NKAIN2: variants seen among roughly 807,000 people sequenced by gnomAD.
The protein encoded by NKAIN2 is sodium/potassium transporting ATPase interacting 2, also known as sodium/potassium-transporting ATPase subunit beta-1-interacting protein 2.
In NKAIN2, 14 loss-of-function variants were observed where a neutral mutation model predicts 32.6. The observed-to-expected ratio is 0.43, with a 90% CI of 0.28 to 0.67. The LOEUF (loss-of-function observed/expected upper bound fraction) is 0.67, where lower values mean the gene tolerates loss of function less well. Among genes scored for constraint, NKAIN2 ranks in the 30% least tolerant of loss-of-function variants. The pLI is 0.17. For missense variants in NKAIN2, 198 were observed against 258.3 expected (o/e 0.77, Z 1.60); for synonymous variants, 80 against 87.2 (o/e 0.92, Z 0.46).
chr6:124,557,137 A>G (rs1780505049), intron 3 of NKAIN2, among the ~76,000 whole-genome samples: 1 of 152,186 alleles, frequency 6.6e-6, no homozygotes, highest in South Asian at 2.1e-4. Flanking sequence ...TGCATATAAC[A>G]TTAACATAGG....
intron 1 of NKAIN2, among the ~76,000 whole-genome samples, chr6:123,869,268 TG>T (rs1772743525): frequency 6.6e-6 from 1 of 152,206 alleles, no homozygotes; most frequent in Admixed American, 6.5e-5. Flanking sequence ...GTGTTCAGTA[TG>T]TTTGAGATGA....
At chr6:124,621,707 T>C (rs184555379) in intron 3 of NKAIN2, among the ~76,000 whole-genome samples, 134 of 152,296 alleles carry the variant, frequency 8.8e-4, no homozygotes, top group African/African-American at 2.7e-3. Context: ...GATTACCAGT[T>C]TGATTGGAAG....
intron 1 of NKAIN2, among the ~76,000 whole-genome samples, chr6:124,267,929 A>G (rs1215687508): frequency 9.9e-5 from 15 of 152,214 alleles, no homozygotes; most frequent in African/African-American, 3.1e-4. Context: ...ATTTGGGAAG[A>G]GAATCCTTTT....
chr6:123,878,128 A>G (rs918116677), intron 1 of NKAIN2, among the ~76,000 whole-genome samples: 1 of 152,038 alleles, frequency 6.6e-6, no homozygotes, highest in African/African-American at 2.4e-5. Flanking sequence ...CAGTAGGCTG[A>G]TGCAGGAGAA....
rs527760991 is a variant in NKAIN2, at chr6:124,073,742, C to T, written c.55-209263C>T. ...AACCTCATGGCCATAGGAGCCCTGA[C>T]ACTCTGTGAAGCATATAACATACGA... On this transcript the variant is annotated intron_variant, in intron 1 of 6. Coordinates refer to ENST00000368417, the MANE Select transcript of NKAIN2 (RefSeq NM_001040214.3). Among the ~76,000 whole-genome samples, 84 of 152,228 alleles carry T rather than the reference C, an allele frequency of 5.5e-4. 1 individual carries two copies. Among genetic ancestry groups the T allele is most frequent in the Non-Finnish European group, 8.5e-4 (58 of 68,018 alleles).
rs114483130 is a variant in NKAIN2, at chr6:123,984,498, C to T, written c.54+180244C>T. Among the ~76,000 whole-genome samples, 810 of 152,100 alleles carry T rather than the reference C, an allele frequency of 5.3e-3. 8 individuals carry two copies. The highest frequency in any genetic ancestry group is 0.019 in the African/African-American group (777 of 41,488). ...ACAGTATATTACTGTTTTACCAATA[C>T]AGTAATATACTGTAATATCAAAAAG... On this transcript the variant is annotated intron_variant, in intron 1 of 6. Transcript: ENST00000368417.
At chr6:124,551,993 G>A (rs1005249105) in intron 3 of NKAIN2, among the ~76,000 whole-genome samples, 9 of 152,172 alleles carry the variant, frequency 5.9e-5, no homozygotes, top group African/African-American at 2.4e-5. Context: ...ATAATCGTTA[G>A]AAACTGAGCA....
intron 3 of NKAIN2, among the ~76,000 whole-genome samples, chr6:124,425,256 C>T (rs531130978): frequency 1.3e-4 from 19 of 151,778 alleles, no homozygotes; most frequent in Admixed American, 2.0e-4. Flanking sequence ...TTGGGAAAAC[C>T]GGATATCCAC....
intron 3 of NKAIN2, among the ~76,000 whole-genome samples, chr6:124,373,774 AAG>A (rs1799870103): frequency 1.3e-5 from 2 of 152,176 alleles, no homozygotes; most frequent in African/African-American, 4.8e-5. Context: ...AAGTATGGCA[AAG>A]AGAAAGTTAT....
At chr6:124,514,739 T>G (rs554354271) in intron 3 of NKAIN2, among the ~76,000 whole-genome samples, 5 of 150,024 alleles carry the variant, frequency 3.3e-5, no homozygotes, top group Admixed American at 6.7e-5. Flanking sequence ...CCAACTTGGC[T>G]GCATGTTGGA....
In NKAIN2 at chr6:124,823,723, G is replaced by C. The variant is rs1781484044; in HGVS notation, c.*494G>C. 6.3e-6 allele frequency: 1 copy of C among 158,628 alleles called. No individual in the cohort carries two copies. The highest frequency in any genetic ancestry group is 2.4e-5 in the African/African-American group (1 of 41,552). The allele number at this position is 158,628 out of a possible 1,614,324, so 9.8% of individuals were successfully genotyped here. A position where few individuals can be genotyped will look rare whatever the true frequency, so the allele number is the denominator to read the frequency against. ...AAAAACAAACGAAACATGCCATGATGACCTTGTACCCGAAGTCCGAAATGG... is the reference window on the plus strand; with the variant it reads ...AAAAACAAACGAAACATGCCATGATCACCTTGTACCCGAAGTCCGAAATGG... On this transcript the variant is annotated 3_prime_UTR_variant, in exon 7 of 7. Transcript: ENST00000368417.
At chr6:123,830,850 G>C (rs1203111455) in intron 1 of NKAIN2, among the ~76,000 whole-genome samples, 7 of 152,186 alleles carry the variant, frequency 4.6e-5, no homozygotes, top group African/African-American at 1.7e-4. Context: ...TTGAATGAAT[G>C]AATCAATCAG....
At chr6:124,317,757 T>C (rs1797022764) in intron 2 of NKAIN2, among the ~76,000 whole-genome samples, 1 of 152,108 alleles carries the variant, frequency 6.6e-6, no homozygotes, top group South Asian at 2.1e-4. Flanking sequence ...TTCATTTATT[T>C]TGATCATCAG....
At chr6:123,966,323 A>T (rs569526109) in intron 1 of NKAIN2, among the ~76,000 whole-genome samples, 7 of 152,276 alleles carry the variant, frequency 4.6e-5, no homozygotes, top group Non-Finnish European at 7.4e-5. Flanking sequence ...AATCATCCTC[A>T]GAAGATACGA....
intron 1 of NKAIN2, among the ~76,000 whole-genome samples, chr6:124,207,145 T>C (rs1302931653): frequency 4.6e-5 from 7 of 151,664 alleles, no homozygotes; most frequent in Non-Finnish European, 1.0e-4. Context: ...TAAGGAACTT[T>C]GCCAGGTGCT....
intron 1 of NKAIN2, among the ~76,000 whole-genome samples, chr6:123,818,341 G>C (rs1490356): frequency 6.6e-6 from 1 of 150,656 alleles, no homozygotes; most frequent in African/African-American, 2.5e-5. Flanking sequence ...CAAATTTTCA[G>C]ACTTCTTGTG....
At chr6:123,925,604 T>C (rs77779477) in intron 1 of NKAIN2, among the ~76,000 whole-genome samples, 2,402 of 152,296 alleles carry the variant, frequency 0.016, 55 homozygotes, top group African/African-American at 0.053. Context: ...AGTCATTTCA[T>C]GATGAAACAC....
At position 124,373,275 on chromosome 6, in the gene NKAIN2, G is replaced by T. The variant is rs527654919; in HGVS notation, c.273+17928G>T. On this transcript the variant is annotated intron_variant, in intron 3 of 6. Transcript: ENST00000368417. ...ATCAGGTTTGACATCTAGGTTTGTA[G>T]TCTGAGGCATCAGAATTTGGTGTTT... is the stretch of plus-strand genomic sequence containing the variant. Among the ~76,000 whole-genome samples, 5 of 152,198 alleles carry T rather than the reference G, an allele frequency of 3.3e-5. No individual in the cohort carries two copies. The East Asian group carries it at 9.7e-4, about 29-fold the overall frequency.
At chr6:124,535,432 A>G (rs1583403710) in intron 3 of NKAIN2, among the ~76,000 whole-genome samples, 1 of 152,196 alleles carries the variant, frequency 6.6e-6, no homozygotes, top group Non-Finnish European at 1.5e-5. Context: ...GTATTACACC[A>G]CTGGCCTTTA....
Sources: gnomAD v4.1 joint callset for allele counts (sites outside exome capture counted in the v4.1 genomes callset) on GRCh38, gnomAD v4.1.1 for gene constraint, MANE v1.5 for transcripts, NCBI Gene and HGNC (gene_info 2026-07-23, HGNC 2026-07-21) for gene names.